DPP10: variants seen among roughly 807,000 people sequenced by gnomAD.
The protein encoded by DPP10 is inactive dipeptidyl peptidase 10.
A neutral mutation model predicts 120.9 loss-of-function variants in DPP10; 33 were observed. The observed-to-expected ratio is 0.27, with a 90% confidence interval of 0.21 to 0.37. The LOEUF is 0.37. Ranked by LOEUF, DPP10 falls within the 10% of genes least tolerant of loss-of-function variation. The pLI is 1.00. For missense variants in DPP10, 816 were observed against 942.8 expected (o/e 0.87, Z 1.76); for synonymous variants, 337 against 326.1 (o/e 1.03, Z -0.36).
chr2:114,492,631 T>C (rs375566212), intron 1 of DPP10, among the ~76,000 whole-genome samples: 1 of 152,192 alleles, frequency 6.6e-6, no homozygotes, highest in Non-Finnish European at 1.5e-5. Context: ...TATATTTTTA[T>C]TTAATATAAA....
At chr2:114,924,375 A>T (rs1695437373) in intron 1 of DPP10, among the ~76,000 whole-genome samples, 1 of 152,106 alleles carries the variant, frequency 6.6e-6, no homozygotes, top group Admixed American at 6.5e-5. Context: ...AAAAACACAA[A>T]AATTAGTCAG....
chr2:115,026,228 T>C (rs1703451330), intron 1 of DPP10, among the ~76,000 whole-genome samples: 2 of 152,164 alleles, frequency 1.3e-5, no homozygotes, highest in Non-Finnish European at 2.9e-5. Flanking sequence ...GGGATCTAAT[T>C]CCATTTTTCT....
intron 3 of DPP10, among the ~76,000 whole-genome samples, chr2:115,384,642 GGAAGAA>G (rs202001321): frequency 7.2e-6 from 1 of 138,396 alleles, no homozygotes; most frequent in Admixed American, 7.6e-5. Context: ...GAAGAAAGAA[GGAAGAA>G]GAAGAAGGAA....
chr2:114,643,039 T>G (rs1366471979), intron 1 of DPP10, among the ~76,000 whole-genome samples: 1 of 151,950 alleles, frequency 6.6e-6, no homozygotes, highest in East Asian at 1.9e-4. Context: ...GGTCCTGATT[T>G]TGCTCTAGTA....
intron 7 of DPP10, among the ~76,000 whole-genome samples, chr2:115,699,920 A>G (rs956664755): frequency 1.3e-5 from 2 of 152,232 alleles, no homozygotes; most frequent in African/African-American, 4.8e-5. Flanking sequence ...TCACATCGCT[A>G]TAAAGAAATA....
At chr2:115,546,819 G>A (rs2079529587) in intron 5 of DPP10, among the ~76,000 whole-genome samples, 1 of 152,086 alleles carries the variant, frequency 6.6e-6, no homozygotes, top group Non-Finnish European at 1.5e-5. Context: ...GGTACCTTGG[G>A]AAAACAGACA....
chr2:114,924,094 G>C (rs1484792772), intron 1 of DPP10, among the ~76,000 whole-genome samples: 1 of 152,110 alleles, frequency 6.6e-6, no homozygotes, highest in Non-Finnish European at 1.5e-5. Context: ...TTCTGTGGCT[G>C]CCCTCACTTA....
chr2:114,614,840 A>C (rs1055302959), intron 1 of DPP10, among the ~76,000 whole-genome samples: 2 of 152,198 alleles, frequency 1.3e-5, no homozygotes, highest in African/African-American at 2.4e-5. Context: ...TGATAGCAAA[A>C]GCCTTTTCAT....
chr2:115,261,238 C>T (rs377453626), intron 1 of DPP10, among the ~76,000 whole-genome samples: 1 of 152,088 alleles, frequency 6.6e-6, no homozygotes, highest in Non-Finnish European at 1.5e-5. Flanking sequence ...TCATTGCCAC[C>T]GGTTGAAAGT....
intron 1 of DPP10, among the ~76,000 whole-genome samples, chr2:114,456,103 A>G (rs1437434078): frequency 6.6e-6 from 1 of 152,172 alleles, no homozygotes; most frequent in Admixed American, 6.5e-5. Flanking sequence ...TTTCATGGTC[A>G]TCACCCCGCT....
At chr2:114,496,997 C>CATATAT (rs138864175) in intron 1 of DPP10, among the ~76,000 whole-genome samples, 2 of 149,992 alleles carry the variant, frequency 1.3e-5, no homozygotes, top group African/African-American at 4.9e-5. Context: ...CATACACAGA[C>CATATAT]ATATATATAT....
At chr2:115,704,950 C>G (rs957391885) in intron 7 of DPP10, among the ~76,000 whole-genome samples, 1 of 151,796 alleles carries the variant, frequency 6.6e-6, no homozygotes, top group Admixed American at 6.6e-5. Context: ...GACTCCTTCC[C>G]TGAAATTGCT....
At chr2:114,612,504 G>A (rs1364838608) in intron 1 of DPP10, among the ~76,000 whole-genome samples, 2 of 152,124 alleles carry the variant, frequency 1.3e-5, no homozygotes, top group African/African-American at 4.8e-5. Context: ...ATGTTTCTTT[G>A]CTTTCTCCTT....
chr2:115,807,943 T>G (rs1014063011), intron 19 of DPP10, among the ~76,000 whole-genome samples: 2 of 152,156 alleles, frequency 1.3e-5, no homozygotes, highest in South Asian at 2.1e-4. Flanking sequence ...GACCCACATA[T>G]GAATAAGTGA....
intron 2 of DPP10, among the ~76,000 whole-genome samples, chr2:115,314,639 G>A (rs2061709123): frequency 6.6e-6 from 1 of 152,120 alleles, no homozygotes; most frequent in African/African-American, 2.4e-5. Flanking sequence ...ACTTCTAGAA[G>A]TGTCTCTAAG....
rs1351026308 is a variant in DPP10, at chr2:114,856,886, TAC to T, written c.60+414050_60+414051del. Among the ~76,000 whole-genome samples, 12 of 152,320 alleles carry T rather than the reference TAC, an allele frequency of 7.9e-5. No homozygotes were observed. The East Asian group carries it at 2.1e-3, about 27-fold the overall frequency. On this transcript the variant is annotated intron_variant, in intron 1 of 25. Coordinates refer to ENST00000410059, the MANE Select transcript of DPP10 (RefSeq NM_020868.6). ...AAACTCAGTGGACAATGACAATGAT[TAC>T]AGTGATAGTAACTACCATTTTTGAA...
At chr2:114,652,113 C>T (rs1026171386) in intron 1 of DPP10, among the ~76,000 whole-genome samples, 2 of 152,056 alleles carry the variant, frequency 1.3e-5, no homozygotes, top group Admixed American at 6.5e-5. Context: ...TGAGAGCCCA[C>T]ATCCGGTAAT....
chr2:115,554,634 T>G (rs1173949543), intron 5 of DPP10, among the ~76,000 whole-genome samples: 3 of 152,122 alleles, frequency 2.0e-5, no homozygotes, highest in Non-Finnish European at 4.4e-5. Flanking sequence ...TATTAATGGT[T>G]GCTCAGGAAT....
At chr2:114,568,030 AAG>A (rs1207557831) in intron 1 of DPP10, among the ~76,000 whole-genome samples, 2 of 148,514 alleles carry the variant, frequency 1.3e-5, no homozygotes, top group Non-Finnish European at 3.0e-5. Context: ...ATTAAAAAAA[AAG>A]AGAGAGAGAG....
Sources: allele counts gnomAD v4.1 joint callset (sites outside exome capture counted in the v4.1 genomes callset), GRCh38; gene constraint gnomAD v4.1.1; transcripts MANE v1.5; gene names NCBI Gene and HGNC (gene_info 2026-07-23, HGNC 2026-07-21).